The following VWA5B1 variants were observed in gnomAD, a reference collection of about 807,000 sequenced individuals.
The protein encoded by VWA5B1 is von Willebrand factor A domain-containing protein 5B1.
VWA5B1 carries 115 observed loss-of-function variants against 118.2 expected under a neutral mutation model. The ratio of observed to expected loss-of-function variants is 0.97; its 90% CI spans 0.84 to 1.14. VWA5B1 has a LOEUF of 1.14. Among genes scored for constraint, VWA5B1 ranks in the 50% most tolerant of loss-of-function variants. VWA5B1 has a pLI of 0.00. For missense variants in VWA5B1, 1,596 were observed against 1,603.8 expected (o/e 1.00, Z 0.08); for synonymous variants, 682 against 658.4 (o/e 1.04, Z -0.55).
At position 20,332,881 on chromosome 1, in the gene VWA5B1, TC is replaced by T; in HGVS notation, c.1691del (p.Pro564LeufsTer67). On this transcript the variant is annotated frameshift_variant, in exon 12 of 22. Transcript: ENST00000289815. LOFTEE classifies it high-confidence loss of function. ...LVSPVSASSL[F>X]PGERLVGYGI... Reference sequence around the variant, plus strand: ...TCACCCGTCAGCGCCAGCTCCCTCTTCCCTGGAGAACGGCTGGTGGGGTATG... The same window carrying T: ...TCACCCGTCAGCGCCAGCTCCCTCTTCCTGGAGAACGGCTGGTGGGGTATG... 4 of 1,551,964 alleles carry T rather than the reference TC, an allele frequency of 2.6e-6. No homozygotes were observed. The highest frequency in any genetic ancestry group is 3.5e-6 in the Non-Finnish European group (4 of 1,147,070).
At chr1:20,323,930 G>C (rs992866066) in intron 8 of VWA5B1, among the ~76,000 whole-genome samples, 1 of 152,160 alleles carries the variant, frequency 6.6e-6, no homozygotes, top group Non-Finnish European at 1.5e-5. Context: ...AATCTTATGC[G>C]TTTGATCCTA....
intron 18 of VWA5B1, among the ~76,000 whole-genome samples, chr1:20,349,540 T>C (rs1262784954): frequency 3.3e-5 from 5 of 151,916 alleles, no homozygotes; most frequent in Non-Finnish European, 7.4e-5. Context: ...CCTGCCACCA[T>C]GCCCCGCTCA....
At chr1:20,337,270 G>A (rs186834115) in intron 13 of VWA5B1, among the ~76,000 whole-genome samples, 463 of 152,234 alleles carry the variant, frequency 3.0e-3, no homozygotes, top group Non-Finnish European at 5.3e-3. Flanking sequence ...TGGGACTACA[G>A]GCGCATACCA....
chr1:20,350,233 G>A lies in VWA5B1; in HGVS notation c.2953+3G>A, dbSNP rs2090100858. 2 of 1,550,996 alleles carry A rather than the reference G, an allele frequency of 1.3e-6. No homozygotes were observed. The highest frequency in any genetic ancestry group is 1.2e-5 in the South Asian group (1 of 84,056). On this transcript the variant is annotated splice_donor_region_variant and intron_variant, in intron 19 of 21. Coordinates refer to ENST00000289815, the MANE Select transcript of VWA5B1 (RefSeq NM_001039500.3). ...CGAGAAGCACGGTGCTTCTGAAGGT[G>A]AGTGGGCAGGTGGCGCTGCCTCTTC...
Position 20,356,287 on chromosome 1 carries a change from C to A in VWA5B1, c.*2024C>A, listed in dbSNP as rs944752473. Among the ~76,000 whole-genome samples, 1 of 152,188 alleles carries A rather than the reference C, an allele frequency of 6.6e-6. No individual in the cohort carries two copies. Among genetic ancestry groups the A allele is most frequent in the African/African-American group, 2.4e-5 (1 of 41,458 alleles). The stretch of plus-strand genomic sequence containing the variant: ...GTACTAGTTTGGGCAAGTGGTTTCT[C>A]CTCCTAGGTGCCCTGGAGCTGGGGC... On this transcript the variant is annotated 3_prime_UTR_variant, in exon 22 of 22. Coordinates refer to ENST00000289815, the MANE Select transcript of VWA5B1 (RefSeq NM_001039500.3).
Position 20,355,632 on chromosome 1 carries a change from A to C in VWA5B1, c.*1369A>C, listed in dbSNP as rs577191543. On this transcript the variant is annotated 3_prime_UTR_variant, in exon 22 of 22. Transcript: ENST00000289815. Reference sequence around the variant, plus strand: ...AAGGCCTTGGAAGCTTAGCTTATCAAACCAACTCGTGGGGTCCTGCGGGCT... The same window carrying C: ...AAGGCCTTGGAAGCTTAGCTTATCACACCAACTCGTGGGGTCCTGCGGGCT... Among the ~76,000 whole-genome samples the C allele has an allele frequency of 3.9e-5, 6 of 152,326 alleles. No homozygotes were observed. Among genetic ancestry groups the C allele is most frequent in the Admixed American group, 2.0e-4 (3 of 15,310 alleles).
chr1:20,320,052 G>T (rs1394836233), intron 7 of VWA5B1, among the ~76,000 whole-genome samples: 1 of 152,206 alleles, frequency 6.6e-6, no homozygotes, highest in African/African-American at 2.4e-5. Flanking sequence ...GGGAACGTTG[G>T]AGGCTGAGCG....
chr1:20,303,081 A>G (rs563881536), intron 1 of VWA5B1: 78 of 152,326 alleles, frequency 5.1e-4, no homozygotes, highest in African/African-American at 1.9e-3. Flanking sequence ...ACTTGGCCCC[A>G]CTTTGATAAG....
intron 3 of VWA5B1, among the ~76,000 whole-genome samples, chr1:20,313,672 G>T (rs1013456936): frequency 7.2e-5 from 11 of 152,318 alleles, no homozygotes; most frequent in Admixed American, 6.5e-5. Context: ...CTGGATCTAC[G>T]ATCAAGGTGA....
chr1:20,340,241 A>C (rs188176434), intron 14 of VWA5B1, among the ~76,000 whole-genome samples: 6 of 152,050 alleles, frequency 3.9e-5, no homozygotes, highest in African/African-American at 1.4e-4. Context: ...CTCTGGCTGG[A>C]TGAAGGGCTG....
rs61743984 is a variant in VWA5B1 at position 20,312,852 on chromosome 1, C to G, written c.156C>G (p.Pro52=). 7.1e-6 allele frequency: 11 copies of G among 1,551,080 alleles called. No individual in the cohort carries two copies. Among genetic ancestry groups the G allele is most frequent in the South Asian group, 1.2e-5 (1 of 83,978 alleles). ...AQPFQGLFVY[P]LDECTTVIGF... is the part of the protein sequence containing the mutation. ...CTCCGACAGGCCTCTTCGTGTACCC[C>G]CTGGATGAGTGCACCACGGTGATCG... The change falls in exon 3 of 22, where the codon CCC becomes CCG. Residue 52 remains proline (P), a synonymous_variant. Coordinates refer to ENST00000289815, the MANE Select transcript of VWA5B1 (RefSeq NM_001039500.3).
intron 12 of VWA5B1, among the ~76,000 whole-genome samples, chr1:20,333,690 G>A (rs79722081): frequency 0.11 from 16,358 of 152,226 alleles, 1,010 homozygotes; most frequent in Admixed American, 0.14. Context: ...ATTTCTTTAC[G>A]TGGATGATTC....
Position 20,343,217 on chromosome 1 carries a change from T to A in VWA5B1, c.2450T>A (p.Leu817Gln). Residue 817 changes from leucine to glutamine, a missense_variant, in exon 16 of 22, where the codon CTG becomes CAG. Transcript: ENST00000289815. ...PVLGKALVKG[L>Q]HDSQRLQWEV... Reference sequence around the variant, plus strand: ...CTGGGCAAGGCCCTGGTCAAAGGCCTGCACGACAGCCAACGCCTGCAGTGG... The same window carrying A: ...CTGGGCAAGGCCCTGGTCAAAGGCCAGCACGACAGCCAACGCCTGCAGTGG... 3 of 1,549,464 alleles carry A rather than the reference T, an allele frequency of 1.9e-6. No individual in the cohort carries two copies.
Position 20,343,085 on chromosome 1 carries a change from C to T in VWA5B1, c.2318C>T (p.Ser773Phe). Residue 773 changes from serine (S) to phenylalanine (F), a missense_variant, in exon 16 of 22, where the codon TCC (serine) becomes TTC (phenylalanine). By Grantham distance (155) the Ser-to-Phe change is radical (BLOSUM62 -2). Coordinates refer to ENST00000289815, the MANE Select transcript of VWA5B1 (RefSeq NM_001039500.3). ...DSRSPGDLEP[S>F]HHPSAFETET... ...CTTGTCCCTCTGCCCGCAGAGCCGT[C>T]CCACCATCCCTCTGCCTTCGAGACA... is the stretch of plus-strand genomic sequence containing the variant. 6.6e-7 allele frequency: 1 copy of T among 1,517,682 alleles called. No individual in the cohort carries two copies. The highest frequency in any genetic ancestry group is 8.9e-7 in the Non-Finnish European group (1 of 1,126,554). The allele number at this position is 1,517,682 out of a possible 1,614,324, so 94.0% of individuals were successfully genotyped here. A position where few individuals can be genotyped will look rare whatever the true frequency, so the allele number is the denominator to read the frequency against.
intron 20 of VWA5B1, among the ~76,000 whole-genome samples, chr1:20,351,234 A>C (rs2090122655): frequency 6.6e-6 from 1 of 152,246 alleles, no homozygotes; most frequent in Non-Finnish European, 1.5e-5. Context: ...AAAGAGGGTC[A>C]CAATCCAGGT....
Position 20,336,499 on chromosome 1 carries a change from C to T in VWA5B1, c.1942+13C>T. On this transcript the variant is annotated intron_variant, in intron 13 of 21. Coordinates refer to ENST00000289815, the MANE Select transcript of VWA5B1 (RefSeq NM_001039500.3). ...ACCACCAAGCACGGTTCGTCTGCGG[C>T]TCTGATGATTGCTGCCTTACATTGA... The T allele has an allele frequency of 7.4e-7, 1 of 1,355,314 alleles. No homozygotes were observed. Among genetic ancestry groups the T allele is most frequent in the Non-Finnish European group, 9.6e-7 (1 of 1,040,100 alleles). 84.0% of individuals were successfully genotyped at this position (1,355,314 alleles called of 1,614,324 possible).
intron 17 of VWA5B1, 150 bp from the exon 18 acceptor site, chr1:20,348,095 T>G: frequency 2.6e-6 from 2 of 769,390 alleles, no homozygotes; most frequent in Non-Finnish European, 4.2e-6. Context: ...TTTCTGACTC[T>G]AAAGCTTATG....
At chr1:20,297,322 GCTCC>G (rs1196300684) in intron 1 of VWA5B1, among the ~76,000 whole-genome samples, 2 of 152,250 alleles carry the variant, frequency 1.3e-5, no homozygotes, top group African/African-American at 4.8e-5. Context: ...TCTAACGGAG[GCTCC>G]TTGGGGGCAC....
At chr1:20,309,959 C>T (rs1474126009) in intron 1 of VWA5B1, among the ~76,000 whole-genome samples, 2 of 90,794 alleles carry the variant, frequency 2.2e-5, no homozygotes, top group Non-Finnish European at 4.5e-5. Context: ...GTGTGTGTTG[C>T]GGGCGTGGGG....
Sources: allele counts gnomAD v4.1 joint callset (sites outside exome capture counted in the v4.1 genomes callset), GRCh38; gene constraint gnomAD v4.1.1; transcripts MANE v1.5; gene names NCBI Gene and HGNC (gene_info 2026-07-23, HGNC 2026-07-21).